The following R3HDM2 variants were observed in gnomAD, a reference collection of about 807,000 sequenced individuals.
The protein encoded by R3HDM2 is R3H domain-containing protein 2.
A neutral mutation model predicts 124.5 loss-of-function variants in R3HDM2; 38 were observed. The ratio of observed to expected loss-of-function variants is 0.31; its 90% CI spans 0.24 to 0.40. The LOEUF (loss-of-function observed/expected upper bound fraction) is 0.40, where lower values mean the gene tolerates loss of function less well. R3HDM2 is among the 10% of genes least tolerant of loss of function. The probability of loss-of-function intolerance (pLI) is 1.00; values close to 1 mark genes in which losing one functional copy is unlikely to be tolerated. For synonymous variants in R3HDM2, 391 were observed against 448.0 expected (o/e 0.87, Z 1.61); for missense variants, 869 against 1,236.9 (o/e 0.70, Z 4.46).
At chr12:57,317,492 G>A (rs2055338647) in intron 2 of R3HDM2, among the ~76,000 whole-genome samples, 1 of 152,020 alleles carries the variant, frequency 6.6e-6, no homozygotes. Context: ...GCTGGAGCCT[G>A]CATCCTTGAT....
chr12:57,271,875 C>T (rs993954058), intron 14 of R3HDM2, among the ~76,000 whole-genome samples: 2 of 151,044 alleles, frequency 1.3e-5, no homozygotes, highest in Admixed American at 1.3e-4. Context: ...CCAGTGATAC[C>T]AGAGAAGTCT....
chr12:57,291,666 CA>C (rs535041961), intron 11 of R3HDM2, among the ~76,000 whole-genome samples: 4 of 142,654 alleles, frequency 2.8e-5, no homozygotes, highest in African/African-American at 1.0e-4. Context: ...AAAAAAAAAA[CA>C]AAAAAAAACA....
At chr12:57,402,443 G>T (rs546478095) in intron 1 of R3HDM2, among the ~76,000 whole-genome samples, 1 of 152,184 alleles carries the variant, frequency 6.6e-6, no homozygotes, top group South Asian at 2.1e-4. Flanking sequence ...CCACCTCCTG[G>T]GTTCAAGAAA....
At chr12:57,410,488 C>T (rs7958942) in intron 1 of R3HDM2, among the ~76,000 whole-genome samples, 8,386 of 152,244 alleles carry the variant, frequency 0.055, 655 homozygotes, top group African/African-American at 0.18. Flanking sequence ...GTGTAAGGCT[C>T]ACCTGATCTC....
chr12:57,418,513 G>A (rs1265387805), intron 1 of R3HDM2: 2 of 183,372 alleles, frequency 1.1e-5, no homozygotes, highest in Non-Finnish European at 2.1e-5. Flanking sequence ...CTGAGATATG[G>A]AGACTGTTTT....
Position 57,299,453 on chromosome 12 carries a change from C to T in R3HDM2, c.320G>A (p.Cys107Tyr), listed in dbSNP as rs2050632023. The change falls in exon 6 of 24, where the codon TGC becomes TAC. Residue 107 changes from cysteine to tyrosine, a missense_variant. Coordinates refer to ENST00000402412, the MANE Select transcript of R3HDM2 (RefSeq NM_001394031.1). ...TQDIIQLHIS[C>Y]PSDKEEEKST... is the part of the protein sequence containing the mutation. ...CTTTTCTTCCTCCTTGTCAGAAGGG[C>T]AACTGATGTGCAATTGAATTATATC... 3 of 1,546,016 alleles carry T rather than the reference C, an allele frequency of 1.9e-6. No individual in the cohort carries two copies. Among genetic ancestry groups the T allele is most frequent in the Non-Finnish European group, 2.6e-6 (3 of 1,141,964 alleles).
intron 2 of R3HDM2, among the ~76,000 whole-genome samples, chr12:57,326,354 T>A (rs1314538676): frequency 1.3e-5 from 2 of 152,214 alleles, no homozygotes; most frequent in African/African-American, 2.4e-5. Flanking sequence ...AGGCCTCTTG[T>A]GCCAAGCAGT....
intron 1 of R3HDM2, 76 bp downstream of exon 1, chr12:57,430,644 C>G (rs1490141342): frequency 3.9e-5 from 38 of 962,444 alleles, no homozygotes; most frequent in Non-Finnish European, 4.7e-5. Flanking sequence ...TCCTCGCGCC[C>G]GCCCGTGCGG....
intron 2 of R3HDM2, among the ~76,000 whole-genome samples, chr12:57,320,123 G>A (rs2056090034): frequency 6.6e-6 from 1 of 151,432 alleles, no homozygotes; most frequent in Non-Finnish European, 1.5e-5. Flanking sequence ...AGCTGGGGGT[G>A]GTGGTGCGTG....
intron 19 of R3HDM2, among the ~76,000 whole-genome samples, chr12:57,266,043 C>T (rs375233426): frequency 3.6e-4 from 55 of 151,606 alleles, no homozygotes; most frequent in African/African-American, 1.2e-3. Flanking sequence ...GTGATCTGCC[C>T]GTCTTGGCCT....
At chr12:57,365,072 G>A (rs2062462571) in intron 2 of R3HDM2, among the ~76,000 whole-genome samples, 1 of 151,548 alleles carries the variant, frequency 6.6e-6, no homozygotes, top group South Asian at 2.1e-4. Flanking sequence ...AGATCAGCCC[G>A]GCCAACATGG....
chr12:57,372,350 C>G (rs2063487230), intron 2 of R3HDM2, among the ~76,000 whole-genome samples: 1 of 151,768 alleles, frequency 6.6e-6, no homozygotes, highest in African/African-American at 2.4e-5. Context: ...AGAACTGCCG[C>G]AATACAGAGC....
Position 57,256,429 on chromosome 12 carries a change from A to T in R3HDM2, c.2532T>A (p.Thr844=). 1 of 1,592,452 alleles carries T rather than the reference A, an allele frequency of 6.3e-7. No individual in the cohort carries two copies. The highest frequency in any genetic ancestry group is 2.3e-5 in the East Asian group (1 of 44,006). The stretch of plus-strand genomic sequence containing the variant: ...ACACCCTTACCTGGTGCACCGTGTA[A>T]GTTGACTGGCCATGGAGCAAGGGAG... The part of the protein sequence containing the change: ...ICPPLLHGQS[T]YTVHQGQSGL... Residue 844 remains threonine (T), a synonymous_variant, in exon 22 of 24, where the codon ACT becomes ACA. Transcript: ENST00000402412.
At chr12:57,426,964 T>G (rs1371575505) in intron 1 of R3HDM2, among the ~76,000 whole-genome samples, 3 of 152,176 alleles carry the variant, frequency 2.0e-5, no homozygotes, top group South Asian at 4.1e-4. Context: ...GAACATCAAG[T>G]GCTGTGCTAA....
intron 2 of R3HDM2, chr12:57,341,172 C>G (rs955756003): frequency 6.5e-6 from 1 of 152,888 alleles, no homozygotes; most frequent in Non-Finnish European, 1.5e-5. Context: ...AGTTCTTTAT[C>G]TTTCCTTATT....
In R3HDM2 at chr12:57,265,649, A is replaced by C. The variant is rs144924947; in HGVS notation, c.2131+1082T>G. Among the ~76,000 whole-genome samples, 181 of 152,296 alleles carry C rather than the reference A, an allele frequency of 1.2e-3. 1 individual carries two copies. Among genetic ancestry groups the C allele is most frequent in the African/African-American group, 4.1e-3 (171 of 41,570 alleles). Reference sequence around the variant, plus strand: ...TTTCTTTTTTTTTCCCCCTAGAGACAGGGTCCCACTCCCTATCTGGGTCCA... The same window carrying C: ...TTTCTTTTTTTTTCCCCCTAGAGACCGGGTCCCACTCCCTATCTGGGTCCA... On this transcript the variant is annotated intron_variant, in intron 19 of 23. Transcript: ENST00000402412.
intron 8 of R3HDM2, chr12:57,297,016 G>A (rs540074203): frequency 7.4e-4 from 197 of 265,728 alleles, no homozygotes; most frequent in African/African-American, 4.2e-3. Flanking sequence ...ACTGTACCAC[G>A]GCGCTCCAGC....
chr12:57,353,533 T>C (rs1211773044), intron 2 of R3HDM2, among the ~76,000 whole-genome samples: 1 of 152,206 alleles, frequency 6.6e-6, no homozygotes, highest in Non-Finnish European at 1.5e-5. Flanking sequence ...AAGCATAATT[T>C]ATTCATTTAT....
intron 1 of R3HDM2, among the ~76,000 whole-genome samples, chr12:57,396,791 AAAAG>A (rs1276163590): frequency 1.3e-5 from 2 of 151,940 alleles, no homozygotes; most frequent in South Asian, 2.1e-4. Context: ...AAAAAAAAAA[AAAAG>A]AGTAGTCTAG....
Sources: allele counts gnomAD v4.1 joint callset (sites outside exome capture counted in the v4.1 genomes callset), GRCh38; gene constraint gnomAD v4.1.1; transcripts MANE v1.5; gene names NCBI Gene and HGNC (gene_info 2026-07-23, HGNC 2026-07-21).